The following MARCHF1 variants were observed in gnomAD, a reference collection of about 807,000 sequenced individuals.
MARCHF1 encodes the protein membrane associated ring-CH-type finger 1.
Under a neutral mutation model 54.2 loss-of-function variants are expected in MARCHF1, and 40 were observed. The ratio of observed to expected loss-of-function variants is 0.74; its 90% CI spans 0.57 to 0.96. MARCHF1 has a LOEUF of 0.96. MARCHF1 is among the 40% of genes least tolerant of loss of function. MARCHF1 has a pLI of 0.00. For missense variants in MARCHF1, 586 were observed against 656.5 expected, an observed-to-expected ratio of 0.89 and a Z score of 1.17; for synonymous variants, 236 against 236.3, an observed-to-expected ratio of 1.00 and a Z score of 0.01.
intron 4 of MARCHF1, among the ~76,000 whole-genome samples, chr4:163,805,736 A>T (rs1748208498): frequency 6.6e-6 from 1 of 152,186 alleles, no homozygotes; most frequent in Non-Finnish European, 1.5e-5. Flanking sequence ...GGTGTATTCC[A>T]TGCCACAACA....
chr4:163,792,981 C>CGAA (rs1248036943), intron 4 of MARCHF1, among the ~76,000 whole-genome samples: 1 of 152,162 alleles, frequency 6.6e-6, no homozygotes, highest in African/African-American at 2.4e-5. Flanking sequence ...CTCTCTAAAG[C>CGAA]GAATCTTCCT....
At chr4:164,164,203 T>A (rs1341572311) in intron 1 of MARCHF1, among the ~76,000 whole-genome samples, 1 of 151,900 alleles carries the variant, frequency 6.6e-6, no homozygotes, top group East Asian at 1.9e-4. Flanking sequence ...TGAAGCCCAA[T>A]GTAAGCAGAA....
intron 1 of MARCHF1, among the ~76,000 whole-genome samples, chr4:164,187,463 G>T (rs189606166): frequency 2.0e-5 from 3 of 152,278 alleles, no homozygotes; most frequent in African/African-American, 7.2e-5. Context: ...CATGTGTATA[G>T]TATCTACCCA....
chr4:164,171,337 G>T (rs955097745), intron 1 of MARCHF1, among the ~76,000 whole-genome samples: 2 of 151,896 alleles, frequency 1.3e-5, no homozygotes, highest in African/African-American at 4.8e-5. Flanking sequence ...CTGTTAACTT[G>T]GAAAAATGAC....
intron 1 of MARCHF1, among the ~76,000 whole-genome samples, chr4:164,336,074 C>T (rs1729732083): frequency 6.6e-6 from 1 of 151,996 alleles, no homozygotes; most frequent in African/African-American, 2.4e-5. Flanking sequence ...TAGTATCAAA[C>T]CCATGAATAT....
At position 164,159,999 on chromosome 4, in the gene MARCHF1, A is replaced by G. The variant is rs116574518; in HGVS notation, c.-322-48337T>C. 4.6e-3 allele frequency among the ~76,000 whole-genome samples: 708 copies of G among 152,290 alleles called. 6 individuals carry two copies. The highest frequency in any genetic ancestry group is 0.016 in the African/African-American group (652 of 41,578). On this transcript the variant is annotated intron_variant, in intron 1 of 9. Transcript: ENST00000514618. ...CTTTTAACACCCTTCCTTCTGAACC[A>G]GGACCTAGCTTTAGCATTTTTTAAA...
At position 163,989,621 on chromosome 4, in the gene MARCHF1, C is replaced by T. The variant is rs550946102; in HGVS notation, c.-247-912G>A. ...AGTAAATGGTTAATCAGAACTTCTG[C>T]TTTTTAAATTTAAAAAAAATTCCTT... On this transcript the variant is annotated intron_variant, in intron 2 of 9. Coordinates refer to ENST00000514618, the MANE Select transcript of MARCHF1 (RefSeq NM_001394959.1). 8.5e-4 allele frequency among the ~76,000 whole-genome samples: 129 copies of T among 152,258 alleles called. 1 individual carries two copies. Among genetic ancestry groups the T allele is most frequent in the Non-Finnish European group, 2.8e-4 (19 of 68,014 alleles).
intron 5 of MARCHF1, among the ~76,000 whole-genome samples, chr4:163,688,217 A>C (rs535107476): frequency 7.9e-5 from 12 of 152,294 alleles, no homozygotes; most frequent in African/African-American, 2.9e-4. Context: ...AGAAAAAAAA[A>C]GCTGAAGTTA....
intron 1 of MARCHF1, among the ~76,000 whole-genome samples, chr4:164,182,966 C>T (rs1730873760): frequency 1.3e-5 from 2 of 152,004 alleles, no homozygotes; most frequent in South Asian, 2.1e-4. Context: ...AGTGTAAATC[C>T]CTTATTTTTA....
At chr4:164,210,848 C>T (rs2111117127) in intron 1 of MARCHF1, among the ~76,000 whole-genome samples, 1 of 152,108 alleles carries the variant, frequency 6.6e-6, no homozygotes, top group Non-Finnish European at 1.5e-5. Context: ...AAATATACTG[C>T]CTTTATAAAG....
At chr4:163,858,875 G>T (rs976801275) in intron 3 of MARCHF1, among the ~76,000 whole-genome samples, 2 of 152,118 alleles carry the variant, frequency 1.3e-5, no homozygotes, top group Non-Finnish European at 2.9e-5. Context: ...CTTCTTGCTT[G>T]GGTTGAATTC....
intron 4 of MARCHF1, among the ~76,000 whole-genome samples, chr4:163,776,881 A>C (rs911710378): frequency 4.6e-5 from 7 of 152,116 alleles, no homozygotes; most frequent in African/African-American, 1.7e-4. Context: ...ATGTAGATTA[A>C]AAAGGTAATT....
chr4:163,620,237 G>A (rs1029083351), intron 5 of MARCHF1, among the ~76,000 whole-genome samples: 1 of 152,102 alleles, frequency 6.6e-6, no homozygotes, highest in Non-Finnish European at 1.5e-5. Context: ...TATCAGATCA[G>A]CACATTTTAA....
chr4:164,080,921 T>G (rs190681455), intron 2 of MARCHF1, among the ~76,000 whole-genome samples: 2 of 151,752 alleles, frequency 1.3e-5, no homozygotes. Flanking sequence ...TTAAGAAATA[T>G]TATTTGGCCG....
At chr4:163,949,209 G>A (rs1014268216) in intron 3 of MARCHF1, among the ~76,000 whole-genome samples, 6 of 152,242 alleles carry the variant, frequency 3.9e-5, no homozygotes, top group Non-Finnish European at 8.8e-5. Context: ...AGCCAAGCAT[G>A]CCGGCTGCGG....
chr4:163,997,368 T>G (rs1237099392), intron 2 of MARCHF1, among the ~76,000 whole-genome samples: 1 of 151,964 alleles, frequency 6.6e-6, no homozygotes, highest in Non-Finnish European at 1.5e-5. Context: ...TCCTAAGTCT[T>G]GAACATAGTC....
intron 7 of MARCHF1, among the ~76,000 whole-genome samples, chr4:163,603,060 G>GT (rs1741023827): frequency 6.6e-6 from 1 of 152,030 alleles, no homozygotes; most frequent in African/African-American, 2.4e-5. Flanking sequence ...TGTTCCAAAG[G>GT]TTTGCAGAGA....
chr4:163,852,553 G>A (rs1255125648), intron 4 of MARCHF1, among the ~76,000 whole-genome samples: 1 of 152,134 alleles, frequency 6.6e-6, no homozygotes. Context: ...ATTTTAGAGT[G>A]AGACGAGATA....
chr4:164,244,629 G>C (rs1732881625), intron 1 of MARCHF1, among the ~76,000 whole-genome samples: 1 of 148,930 alleles, frequency 6.7e-6, no homozygotes, highest in African/African-American at 2.5e-5. Flanking sequence ...GAAGGAAATA[G>C]AGACACAAAA....
Sources: allele counts gnomAD v4.1 joint callset (sites outside exome capture counted in the v4.1 genomes callset), GRCh38; gene constraint gnomAD v4.1.1; transcripts MANE v1.5; gene names NCBI Gene and HGNC (gene_info 2026-07-23, HGNC 2026-07-21).